The following PABPC1 variants were observed in gnomAD, a reference collection of about 807,000 sequenced individuals.
PABPC1 encodes the protein poly(A) binding protein cytoplasmic 1.
In PABPC1, 4 loss-of-function variants were observed where a neutral mutation model predicts 74.0. That is an observed-to-expected ratio of 0.05 (90% CI 0.03 to 0.12). The LOEUF (loss-of-function observed/expected upper bound fraction) is 0.12, where lower values mean the gene tolerates loss of function less well. Ranked by LOEUF, PABPC1 falls within the 10% of genes least tolerant of loss-of-function variation. The pLI, the probability that PABPC1 is intolerant of heterozygous loss-of-function variation, is 1.00. For synonymous variants in PABPC1, 227 were observed against 264.1 expected, an observed-to-expected ratio of 0.86 and a Z score of 1.36; for missense variants, 271 against 821.1, an observed-to-expected ratio of 0.33 and a Z score of 8.19.
chr8:100,715,832 C>T (rs1190145480), intron 3 of PABPC1, among the ~76,000 whole-genome samples: 1 of 152,144 alleles, frequency 6.6e-6, no homozygotes, highest in Non-Finnish European at 1.5e-5. Context: ...ATACACACTT[C>T]TCTTCTCTAG....
At chr8:100,718,408 C>G (rs1810726608) in intron 1 of PABPC1, 128 bp from the exon 2 acceptor site, 1 of 703,314 alleles carries the variant, frequency 1.4e-6, no homozygotes, top group Non-Finnish European at 2.3e-6. Context: ...CCTCTTTAAG[C>G]TTCAAGATGG....
chr8:100,717,106 G>C (rs938420658), intron 3 of PABPC1, among the ~76,000 whole-genome samples: 2 of 152,090 alleles, frequency 1.3e-5, no homozygotes, highest in African/African-American at 4.8e-5. Context: ...CGCCTCCCGG[G>C]TTTAAGTGAT....
At chr8:100,711,263 G>A (rs998728394) in intron 7 of PABPC1, among the ~76,000 whole-genome samples, 11 of 151,954 alleles carry the variant, frequency 7.2e-5, no homozygotes, top group African/African-American at 2.7e-4. Flanking sequence ...CCAGGCGAGA[G>A]TGAGACTCGT....
intron 14 of PABPC1, among the ~76,000 whole-genome samples, chr8:100,703,613 A>G (rs777571812): frequency 1.5e-4 from 23 of 152,168 alleles, no homozygotes; most frequent in Non-Finnish European, 2.8e-4. Flanking sequence ...ACATTTGCCA[A>G]TCCCTGGTCC....
In PABPC1 at chr8:100,711,606, T is replaced by C. The variant is rs73280422; in HGVS notation, c.972+756A>G. ...AGGAATAAATTCTATCGTACTCCAA[T>C]ACTCTTACATAAAAAGCATAATCTG... On this transcript the variant is annotated intron_variant, in intron 7 of 14. Transcript: ENST00000318607. Among the ~76,000 whole-genome samples the C allele has an allele frequency of 6.8e-3, 1,043 of 152,348 alleles. 18 individuals carry two copies. Among genetic ancestry groups the C allele is most frequent in the African/African-American group, 0.024 (1,006 of 41,566 alleles).
intron 4 of PABPC1, among the ~76,000 whole-genome samples, chr8:100,715,158 C>CACACACACACACACACAT (rs1234644734): frequency 1.3e-5 from 1 of 76,122 alleles, no homozygotes; most frequent in African/African-American, 4.1e-5. Context: ...CACACACACA[C>CACACACACACACACACAT]ATATATATCT....
chr8:100,703,956 G>A (rs751330547), intron 14 of PABPC1, among the ~76,000 whole-genome samples: 6 of 151,422 alleles, frequency 4.0e-5, no homozygotes, highest in Admixed American at 6.6e-5. Context: ...TCGGGAGGCC[G>A]AGGCAGGAGA....
chr8:100,707,209 G>A (rs1053764385), intron 9 of PABPC1: 9 of 418,196 alleles, frequency 2.2e-5, no homozygotes, highest in Non-Finnish European at 3.6e-5. Context: ...TATATGTAGC[G>A]ACCAGCCCCA....
At chr8:100,712,890 A>C (rs895845898) in intron 5 of PABPC1, 101 bp from the exon 6 acceptor site, 7 of 1,350,382 alleles carry the variant, frequency 5.2e-6, no homozygotes, top group African/African-American at 1.8e-5. Flanking sequence ...ACAAAAGCTA[A>C]AGACAAACCC....
intron 1 of PABPC1, among the ~76,000 whole-genome samples, chr8:100,720,229 G>A (rs1425615812): frequency 6.6e-6 from 1 of 152,080 alleles, no homozygotes; most frequent in East Asian, 1.9e-4. Flanking sequence ...TTGATCTAAA[G>A]ACAAATCCTA....
intron 7 of PABPC1, among the ~76,000 whole-genome samples, chr8:100,710,556 T>C (rs187255645): frequency 5.3e-5 from 8 of 152,304 alleles, no homozygotes; most frequent in East Asian, 1.9e-4. Context: ...TCACATTACA[T>C]TGAAAAATCT....
rs1810845442 is a variant in PABPC1 at position 100,721,938 on chromosome 8, C to T, written c.-355G>A. Reference sequence around the variant, plus strand: ...GAGGAAGAAAAAAAATAAAAGTCTCCGGCGGGGGAGACGCGGATTTTTTGT... The same window carrying T: ...GAGGAAGAAAAAAAATAAAAGTCTCTGGCGGGGGAGACGCGGATTTTTTGT... On this transcript the variant is annotated 5_prime_UTR_variant, in exon 1 of 15. Coordinates refer to ENST00000318607, the MANE Select transcript of PABPC1 (RefSeq NM_002568.4). The surrounding 1 kb of genome is among the most constrained non-coding windows in gnomAD (Gnocchi z 7.4). 5.6e-5 allele frequency: 12 copies of T among 213,518 alleles called. No individual in the cohort carries two copies. The allele number at this position is 213,518 out of a possible 1,614,324, so 13.2% of individuals were successfully genotyped here.
chr8:100,721,794 T>C lies in PABPC1; in HGVS notation c.-211A>G. The C allele has an allele frequency of 2.3e-6, 1 of 430,532 alleles. No homozygotes were observed. The highest frequency in any genetic ancestry group is 4.1e-6 in the Non-Finnish European group (1 of 243,806). The allele number at this position is 430,532 out of a possible 1,614,324, so 26.7% of individuals were successfully genotyped here. On this transcript the variant is annotated 5_prime_UTR_variant, in exon 1 of 15. Transcript: ENST00000318607. The surrounding 1 kb of genome is among the most constrained non-coding windows in gnomAD (Gnocchi z 7.4). The stretch of plus-strand genomic sequence containing the variant: ...GCCGGCTGCCGGCGGGGAGCGAGGG[T>C]GGCGGTGTCGGGTCCGGGCAGCGGG...
At chr8:100,704,842 G>GT (rs763283026) in intron 13 of PABPC1, 84 bp downstream of exon 13, 16 of 1,336,830 alleles carry the variant, frequency 1.2e-5, no homozygotes, top group Non-Finnish European at 1.5e-5. Context: ...ATAACACGAT[G>GT]TAAGTGTTCT....
At chr8:100,706,608 C>G in intron 11 of PABPC1, 43 bp downstream of exon 11, 1 of 1,573,924 alleles carries the variant, frequency 6.4e-7, no homozygotes, top group Non-Finnish European at 8.7e-7. Flanking sequence ...TTTGATTTCA[C>G]CCAAGAAATG....
intron 4 of PABPC1, among the ~76,000 whole-genome samples, chr8:100,713,835 T>C (rs191913112): frequency 2.0e-5 from 3 of 148,466 alleles, no homozygotes; most frequent in African/African-American, 7.9e-5. Context: ...TTATTAAGCC[T>C]TGGCCTACCC....
chr8:100,709,790 G>A (rs1310956157), intron 7 of PABPC1, 59 bp from the exon 8 acceptor site: 4 of 1,479,196 alleles, frequency 2.7e-6, no homozygotes, highest in African/African-American at 1.4e-5. Flanking sequence ...CAAAAAAAGA[G>A]CGTTACAATT....
chr8:100,707,292 T>A (rs1181912133), intron 9 of PABPC1: 26 of 244,872 alleles, frequency 1.1e-4, no homozygotes, highest in African/African-American at 4.0e-4. Context: ...CACAGAGATT[T>A]AAAAAAAAAA....
chr8:100,704,355 T>C lies in PABPC1; in HGVS notation c.1854A>G (p.Gln618=), dbSNP rs1231382797. The change falls in exon 14 of 15, where the codon CAA becomes CAG. Residue 618 remains glutamine, a synonymous_variant. Coordinates refer to ENST00000318607, the MANE Select transcript of PABPC1 (RefSeq NM_002568.4). ...DEAVAVLQAH[Q]AKEAAQKAVN... ...CTGCTTTCTGGGCAGCCTCTTTAGC[T>C]TGGTGGGCTTGTAGTACAGCTACAG... is the stretch of plus-strand genomic sequence containing the variant. 1 of 1,614,002 alleles carries C rather than the reference T, an allele frequency of 6.2e-7. No homozygotes were observed. Among genetic ancestry groups the C allele is most frequent in the Non-Finnish European group, 8.5e-7 (1 of 1,180,004 alleles).
Sources: gnomAD v4.1 joint callset for allele counts (sites outside exome capture counted in the v4.1 genomes callset) on GRCh38, gnomAD v4.1.1 for gene constraint, Gnocchi (gnomAD v3.1) non-coding constraint, MANE v1.5 for transcripts, NCBI Gene and HGNC (gene_info 2026-07-23, HGNC 2026-07-21) for gene names.